RGPD4: variants seen among roughly 807,000 people sequenced by gnomAD.
RGPD4 encodes ranBP2-like and GRIP domain-containing protein 4.
A neutral mutation model predicts 141.1 loss-of-function variants in RGPD4; 84 were observed. The ratio of observed to expected loss-of-function variants is 0.60; its 90% CI spans 0.50 to 0.71. The LOEUF (loss-of-function observed/expected upper bound fraction) is 0.71. Among genes scored for constraint, RGPD4 ranks in the 30% least tolerant of loss-of-function variants. RGPD4 has a pLI of 0.00. For missense variants in RGPD4, 918 were observed against 1,622.4 expected (o/e 0.57, Z 7.46); for synonymous variants, 298 against 566.8 (o/e 0.53, Z 6.74).
intron 9 of RGPD4, among the ~76,000 whole-genome samples, chr2:107,858,069 A>C (rs573334070): frequency 1.3e-5 from 2 of 152,096 alleles, no homozygotes; most frequent in Admixed American, 1.3e-4. Flanking sequence ...TGTATGATTT[A>C]TCTTGCTTCC....
chr2:107,852,250 CAAAAA>C (rs374226591), intron 7 of RGPD4, among the ~76,000 whole-genome samples: 1 of 114,964 alleles, frequency 8.7e-6, no homozygotes, highest in Non-Finnish European at 1.8e-5. Flanking sequence ...GACTCCATCT[CAAAAA>C]AAAAAAAAAA....
intron 8 of RGPD4, among the ~76,000 whole-genome samples, chr2:107,856,084 T>C (rs1682298451): frequency 7.2e-6 from 1 of 138,724 alleles, no homozygotes; most frequent in Non-Finnish European, 1.5e-5. Flanking sequence ...GAGACAGTCT[T>C]ACTCTGTCGC....
rs374091710 is a variant in RGPD4 at position 107,884,143 on chromosome 2, C to T, written c.5266+1270C>T. ...TTTGTTTGTTTGAGATGTAGTGTTGCTCTGTCACCCTGGCTGGAGTGCAGT... is the reference window on the plus strand; with the variant it reads ...TTTGTTTGTTTGAGATGTAGTGTTGTTCTGTCACCCTGGCTGGAGTGCAGT... On this transcript the variant is annotated intron_variant, in intron 22 of 22. Coordinates refer to ENST00000408999, the MANE Select transcript of RGPD4 (RefSeq NM_182588.3). Among the ~76,000 whole-genome samples the T allele has an allele frequency of 6.2e-4, 94 of 151,794 alleles. No homozygotes were observed. In the South Asian group the frequency reaches 0.018, roughly 30 times the overall value.
intron 22 of RGPD4, among the ~76,000 whole-genome samples, chr2:107,884,351 T>C (rs1380000391): frequency 6.6e-6 from 1 of 152,198 alleles, no homozygotes; most frequent in Non-Finnish European, 1.5e-5. Context: ...CTGCCCACCT[T>C]GGCCTCCCAA....
chr2:107,881,326 CTT>C (rs1286070648), intron 21 of RGPD4, among the ~76,000 whole-genome samples: 1 of 138,432 alleles, frequency 7.2e-6, no homozygotes, highest in African/African-American at 2.6e-5. Context: ...GTTATATTTT[CTT>C]TTTTTTTTTG....
intron 1 of RGPD4, among the ~76,000 whole-genome samples, chr2:107,827,719 C>G (rs1376961698): frequency 1.9e-5 from 1 of 53,734 alleles, no homozygotes. Flanking sequence ...CCTGGCCCGG[C>G]GGCGGCCTCG....
intron 22 of RGPD4, among the ~76,000 whole-genome samples, chr2:107,884,814 T>C (rs1207773504): frequency 1.3e-5 from 2 of 151,954 alleles, no homozygotes; most frequent in Non-Finnish European, 2.9e-5. Flanking sequence ...CAATTGCTGG[T>C]CCCCAATTTC....
intron 4 of RGPD4, among the ~76,000 whole-genome samples, chr2:107,840,389 T>C (rs1350833307): frequency 2.0e-5 from 3 of 152,310 alleles, no homozygotes; most frequent in African/African-American, 4.8e-5. Flanking sequence ...CTCGGCTCAC[T>C]GCCACCTCCG....
rs193272161 is a variant in RGPD4 at position 107,829,816 on chromosome 2, C to T, written c.72+2731C>T. ...CCGGGCTTTCTGGCCCCGTAGTACC[C>T]GCGCAGCCTGGTTCTCGGGGGCTTA... On this transcript the variant is annotated intron_variant, in intron 1 of 22. Transcript: ENST00000408999. Among the ~76,000 whole-genome samples, 201 of 152,210 alleles carry T rather than the reference C, an allele frequency of 1.3e-3. 1 individual carries two copies. Among genetic ancestry groups the T allele is most frequent in the African/African-American group, 4.7e-3 (193 of 41,502 alleles).
chr2:107,875,668 T>A (rs1324142874), intron 20 of RGPD4, among the ~76,000 whole-genome samples: 2 of 138,556 alleles, frequency 1.4e-5, no homozygotes, highest in African/African-American at 5.6e-5. Flanking sequence ...TTCAGCCATA[T>A]GAATGGTCTT....
intron 1 of RGPD4, among the ~76,000 whole-genome samples, chr2:107,830,031 G>A (rs1280965211): frequency 2.0e-5 from 3 of 152,154 alleles, no homozygotes; most frequent in African/African-American, 4.8e-5. Context: ...ATGGCCGGAC[G>A]GCGCAAATGA....
intron 20 of RGPD4, among the ~76,000 whole-genome samples, chr2:107,878,496 C>A (rs538217391): frequency 6.6e-6 from 1 of 151,810 alleles, no homozygotes; most frequent in East Asian, 1.9e-4. Context: ...GTCTGTTACT[C>A]TGTCTAAATA....
chr2:107,841,628 A>AG (rs1380294250), intron 4 of RGPD4, among the ~76,000 whole-genome samples: 1 of 67,352 alleles, frequency 1.5e-5, no homozygotes, highest in East Asian at 2.4e-4. Flanking sequence ...TAAAGGAGAG[A>AG]GGGGAATGAA....
At chr2:107,876,513 G>T (rs938531493) in intron 20 of RGPD4, among the ~76,000 whole-genome samples, 1 of 151,038 alleles carries the variant, frequency 6.6e-6, no homozygotes, top group Non-Finnish European at 1.5e-5. Flanking sequence ...CACTCAAGTG[G>T]CACTGAATGT....
intron 20 of RGPD4, among the ~76,000 whole-genome samples, chr2:107,873,496 C>T (rs1683001407): frequency 7.0e-6 from 1 of 143,298 alleles, no homozygotes; most frequent in East Asian, 2.1e-4. Context: ...ATCGCTTGAG[C>T]ACAGGAGATG....
At chr2:107,884,832 A>G (rs1675465482) in intron 22 of RGPD4, among the ~76,000 whole-genome samples, 1 of 152,090 alleles carries the variant, frequency 6.6e-6, no homozygotes, top group South Asian at 2.1e-4. Flanking sequence ...TTCTGACCCA[A>G]GATTCTGCAT....
At chr2:107,873,444 G>C (rs569577723) in intron 20 of RGPD4, among the ~76,000 whole-genome samples, 1 of 144,016 alleles carries the variant, frequency 6.9e-6, no homozygotes, top group South Asian at 2.4e-4. Context: ...GTGGTGGTGC[G>C]TGCCTATAAT....
Position 107,845,189 on chromosome 2 carries a change from C to T in RGPD4, c.782+1459C>T, listed in dbSNP as rs1161484263. On this transcript the variant is annotated intron_variant, in intron 6 of 22. Transcript: ENST00000408999. Reference sequence around the variant, plus strand: ...CTGAATAGGTGGAACTACAGGTGCCCGACACCACACCTGGCTAATTTTTTT... The same window carrying T: ...CTGAATAGGTGGAACTACAGGTGCCTGACACCACACCTGGCTAATTTTTTT... Among the ~76,000 whole-genome samples the T allele has an allele frequency of 1.1e-4, 13 of 117,436 alleles. 1 individual carries two copies. In the South Asian group the frequency reaches 1.2e-3, roughly 11 times the overall value. The allele number at this position is 117,436 out of a possible 152,430, so 77.0% of individuals were successfully genotyped here. A position where few individuals can be genotyped will look rare whatever the true frequency, so the allele number is the denominator to read the frequency against.
At chr2:107,880,166 A>G (rs1486430095) in intron 21 of RGPD4, 59 bp downstream of exon 21, 15 of 1,610,692 alleles carry the variant, frequency 9.3e-6, no homozygotes, top group African/African-American at 1.3e-5. Context: ...TGGACCCTCC[A>G]TACACATGTA....
Sources: gnomAD v4.1 joint callset for allele counts (sites outside exome capture counted in the v4.1 genomes callset) on GRCh38, gnomAD v4.1.1 for gene constraint, MANE v1.5 for transcripts, NCBI Gene and HGNC (gene_info 2026-07-23, HGNC 2026-07-21) for gene names.